The following TRAF7 variants were observed in gnomAD, a reference collection of about 807,000 sequenced individuals.
TRAF7 encodes E3 ubiquitin-protein ligase TRAF7.
Under a neutral mutation model 89.3 loss-of-function variants are expected in TRAF7, and 45 were observed. The observed-to-expected ratio is 0.50, with a 90% CI of 0.40 to 0.65. The LOEUF is 0.65. Among genes scored for constraint, TRAF7 ranks in the 30% least tolerant of loss-of-function variants. TRAF7 has a pLI of 0.00. For missense variants in TRAF7, 677 were observed against 918.1 expected, an observed-to-expected ratio of 0.74 and a Z score of 3.39; for synonymous variants, 406 against 369.2, an observed-to-expected ratio of 1.10 and a Z score of -1.14.
intron 13 of TRAF7, 96 bp downstream of exon 13, chr16:2,174,144 G>T (rs1275400537): frequency 1.3e-6 from 2 of 1,598,968 alleles, no homozygotes; most frequent in African/African-American, 2.7e-5. Flanking sequence ...GGACCTTCTG[G>T]GCAGGGCCCT....
chr16:2,174,100 C>T (rs2093125405), intron 13 of TRAF7, 52 bp downstream of exon 13: 1 of 1,607,808 alleles, frequency 6.2e-7, no homozygotes, highest in Non-Finnish European at 8.5e-7. Context: ...TGGGCACTGC[C>T]ACATGCCTGG....
rs1380586683 is a variant in TRAF7, at chr16:2,162,914, C to T, written c.-38-969C>T. Among the ~76,000 whole-genome samples, 1 of 152,152 alleles carries T rather than the reference C, an allele frequency of 6.6e-6. No individual in the cohort carries two copies. The highest frequency in any genetic ancestry group is 1.5e-5 in the Non-Finnish European group (1 of 68,022). Reference sequence around the variant, plus strand: ...TCCTGGCTTCCAGGCTGCCCAAGTCCTGAAAGTGGGACCTGCTCGGGAGGA... The same window carrying T: ...TCCTGGCTTCCAGGCTGCCCAAGTCTTGAAAGTGGGACCTGCTCGGGAGGA... On this transcript the variant is annotated intron_variant, in intron 1 of 20. Transcript: ENST00000326181. The surrounding 1 kb of genome is among the most constrained non-coding windows in gnomAD (Gnocchi z 5.0).
At position 2,175,947 on chromosome 16, in the gene TRAF7, C is replaced by T. The variant is rs2093133796; in HGVS notation, c.1740C>T (p.Leu580=). ...HHIVCGTYEN[L]IHVWDIESKE... is the part of the protein sequence containing the mutation. ...TTGTCTGTGGCACCTACGAGAACCT[C>T]ATCCACGTAAGGCCTGGGCATCTGG... The change falls in exon 18 of 21, where the codon CTC becomes CTT. Residue 580 remains leucine, a synonymous_variant. Transcript: ENST00000326181. 2 of 1,613,200 alleles carry T rather than the reference C, an allele frequency of 1.2e-6. No individual in the cohort carries two copies. The highest frequency in any genetic ancestry group is 1.7e-5 in the Admixed American group (1 of 60,002).
chr16:2,171,456 G>A, intron 6 of TRAF7, 100 bp downstream of exon 6: 1 of 1,556,648 alleles, frequency 6.4e-7, no homozygotes, highest in African/African-American at 1.4e-5. Flanking sequence ...CCTTGGTCAA[G>A]GCCTGTCCTG....
At position 2,158,177 on chromosome 16, in the gene TRAF7, G is replaced by A. The variant is rs2093043496; in HGVS notation, c.-39+2319G>A. Among the ~76,000 whole-genome samples, 1 of 152,218 alleles carries A rather than the reference G, an allele frequency of 6.6e-6. No individual in the cohort carries two copies. The highest frequency in any genetic ancestry group is 2.1e-4 in the South Asian group (1 of 4,828). ...GAGGGCCGAGAGCTGTTGGCTGCGT[G>A]TGTCTCAGTCCGGCCTTCTCAGTGG... On this transcript the variant is annotated intron_variant, in intron 1 of 20. Transcript: ENST00000326181. This position sits in a 1 kb window ranked among gnomAD's most constrained non-coding sequence, Gnocchi z 4.7.
rs1419349453 is a variant in TRAF7 at position 2,172,370 on chromosome 16, C to T, written c.655C>T (p.Arg219Trp). ...GCPFTIKLSA[R>W]KDHEGSCDYR... The stretch of plus-strand genomic sequence containing the variant: ...CCCCTTCACCATCAAGCTCAGCGCC[C>T]GGAAGTAAGTGCCCCTCCCTGGGCA... The change falls in exon 8 of 21, where the codon CGG (arginine) becomes TGG (tryptophan). Residue 219 changes from arginine to tryptophan, a missense_variant. Coordinates refer to ENST00000326181, the MANE Select transcript of TRAF7 (RefSeq NM_032271.3). 27 of 1,611,622 alleles carry T rather than the reference C, an allele frequency of 1.7e-5. No homozygotes were observed. The highest frequency in any genetic ancestry group is 2.1e-5 in the Non-Finnish European group (25 of 1,179,486).
chr16:2,160,004 A>C (rs1237525750), intron 1 of TRAF7, among the ~76,000 whole-genome samples: 1 of 152,186 alleles, frequency 6.6e-6, no homozygotes, highest in East Asian at 1.9e-4. Context: ...ATGCCCCAGC[A>C]GAGCCCTCTA....
chr16:2,172,637 GCA>G, intron 9 of TRAF7, 38 bp downstream of exon 9: 1 of 1,528,250 alleles, frequency 6.5e-7, no homozygotes, highest in Non-Finnish European at 8.8e-7. Context: ...CGGGGTGGGC[GCA>G]GGCCCTCCAC....
rs1429282391 is a variant in TRAF7 at position 2,171,385 on chromosome 16, T to A, written c.441+29T>A. On this transcript the variant is annotated intron_variant, in intron 6 of 20. Transcript: ENST00000326181. ...AGCCCGCCGCCCTTCCCAGCCCCCC[T>A]GCTGCCAGAGGCCCCCACAGGACCC... 2.6e-6 allele frequency: 4 copies of A among 1,543,006 alleles called. No individual in the cohort carries two copies. In the East Asian group the frequency reaches 9.8e-5, roughly 38 times the overall value.
rs906373054 is a variant in TRAF7, at chr16:2,162,996, C to T, written c.-38-887C>T. On this transcript the variant is annotated intron_variant, in intron 1 of 20. Transcript: ENST00000326181. The surrounding 1 kb of genome is among the most constrained non-coding windows in gnomAD (Gnocchi z 5.0). ...CGGGGGGAGAGTGGGCGTCATCCAGCATGGACAGCCCCTTCCCCGGGCTCT... is the reference window on the plus strand; with the variant it reads ...CGGGGGGAGAGTGGGCGTCATCCAGTATGGACAGCCCCTTCCCCGGGCTCT... Among the ~76,000 whole-genome samples, 2 of 152,178 alleles carry T rather than the reference C, an allele frequency of 1.3e-5. No homozygotes were observed. Among genetic ancestry groups the T allele is most frequent in the Non-Finnish European group, 2.9e-5 (2 of 68,014 alleles).
chr16:2,175,201 A>G, intron 15 of TRAF7, 51 bp downstream of exon 15: 1 of 1,612,842 alleles, frequency 6.2e-7, no homozygotes. Flanking sequence ...GGCCCGCCCC[A>G]GTCTGTAGGT....
Position 2,161,430 on chromosome 16 carries a change from G to A in TRAF7, c.-38-2453G>A, listed in dbSNP as rs1414698140. On this transcript the variant is annotated intron_variant, in intron 1 of 20. Transcript: ENST00000326181. The surrounding 1 kb of genome is among the most constrained non-coding windows in gnomAD (Gnocchi z 5.2). ...TTCAGAGTGAGGGGGAAGCCAGACA[G>A]TTGCTCTCCCAGACTGTGAGCAACA... is the stretch of plus-strand genomic sequence containing the variant. Among the ~76,000 whole-genome samples, 1 of 152,130 alleles carries A rather than the reference G, an allele frequency of 6.6e-6. No individual in the cohort carries two copies. The highest frequency in any genetic ancestry group is 1.5e-5 in the Non-Finnish European group (1 of 68,024).
chr16:2,177,421 A>G lies in TRAF7; in HGVS notation c.*847A>G. 1 of 232,576 alleles carries G rather than the reference A, an allele frequency of 4.3e-6. No homozygotes were observed. The highest frequency in any genetic ancestry group is 6.1e-5 in the East Asian group (1 of 16,454). The allele number at this position is 232,576 out of a possible 1,614,324, so 14.4% of individuals were successfully genotyped here. A position where few individuals can be genotyped will look rare whatever the true frequency, so the allele number is the denominator to read the frequency against. ...CAATCGCTGGTTTTCGGCATTTTTT[A>G]AATTTTTTTTTTAAGAAACGTCAAA... is the stretch of plus-strand genomic sequence containing the variant. On this transcript the variant is annotated 3_prime_UTR_variant, in exon 21 of 21. Coordinates refer to ENST00000326181, the MANE Select transcript of TRAF7 (RefSeq NM_032271.3).
rs1418613734 is a variant in TRAF7, at chr16:2,163,124, G to T, written c.-38-759G>T. On this transcript the variant is annotated intron_variant, in intron 1 of 20. Transcript: ENST00000326181. This position sits in a 1 kb window ranked among gnomAD's most constrained non-coding sequence, Gnocchi z 4.3. ...GCCAGCACTCCCAGCACCCACGGAGGGGCCACGTCTCCCCCAGGCCCACCA... is the reference window on the plus strand; with the variant it reads ...GCCAGCACTCCCAGCACCCACGGAGTGGCCACGTCTCCCCCAGGCCCACCA... 1.3e-5 allele frequency among the ~76,000 whole-genome samples: 2 copies of T among 152,122 alleles called. No individual in the cohort carries two copies. Among genetic ancestry groups the T allele is most frequent in the African/African-American group, 4.8e-5 (2 of 41,410 alleles).
At chr16:2,173,859 T>TTCCCCCCCCCCCCCCCCCCCCCCCCC in intron 12 of TRAF7, 23 bp downstream of exon 12, 2 of 1,246,254 alleles carry the variant, frequency 1.6e-6, no homozygotes, top group Admixed American at 2.0e-5. Flanking sequence ...CCGCCGTGGC[T>TTCCCCCCCCCCCCCCCCCCCCCCCCC]CCCGCCCACC....
chr16:2,163,683 G>T lies in TRAF7; in HGVS notation c.-38-200G>T, dbSNP rs981475370. ...GACGGTGACGCAGAGCCGCCTGCCT[G>T]CCCGGGCCTCTGCATACCTGGGATC... is the stretch of plus-strand genomic sequence containing the variant. On this transcript the variant is annotated intron_variant, in intron 1 of 20. Transcript: ENST00000326181. The surrounding 1 kb of genome is among the most constrained non-coding windows in gnomAD (Gnocchi z 4.3). 5 of 569,244 alleles carry T rather than the reference G, an allele frequency of 8.8e-6. No homozygotes were observed. The highest frequency in any genetic ancestry group is 1.6e-5 in the Non-Finnish European group (5 of 317,280). 35.3% of individuals were successfully genotyped at this position (569,244 alleles called of 1,614,324 possible).
chr16:2,164,132 G>A (rs1596670081), intron 2 of TRAF7, 131 bp downstream of exon 2: 10 of 734,576 alleles, frequency 1.4e-5, no homozygotes, highest in Non-Finnish European at 2.0e-5. Context: ...TCGGTGGGGG[G>A]GGGTGTGGTG....
chr16:2,175,127 G>A lies in TRAF7; in HGVS notation c.1363G>A (p.Gly455Ser). 2 of 1,613,832 alleles carry A rather than the reference G, an allele frequency of 1.2e-6. No homozygotes were observed. The highest frequency in any genetic ancestry group is 1.7e-6 in the Non-Finnish European group (2 of 1,179,964). The change falls in exon 15 of 21, where the codon GGC (glycine) becomes AGC (serine). Residue 455 changes from glycine (G) to serine (S), a missense_variant. Around this residue, in one of 6 missense-constraint regions of TRAF7, gnomAD observed 160 missense variants for 263.7 expected, o/e 0.61. Transcript: ENST00000326181. ...CTTCCCCAGGTGCAAACTCTACAGC[G>A]GCTCTGCAGACTGCACCATCATTGT... ...LCIQGCKLYS[G>S]SADCTIIVWD...
intron 14 of TRAF7, 68 bp from the exon 15 acceptor site, chr16:2,175,043 C>CTGGA: frequency 6.2e-7 from 1 of 1,603,666 alleles, no homozygotes; most frequent in South Asian, 1.1e-5. Context: ...GGACCTCGGG[C>CTGGA]CCTGCCAGGG....
Sources: gnomAD v4.1 joint callset for allele counts (sites outside exome capture counted in the v4.1 genomes callset) on GRCh38, gnomAD v4.1.1 for gene constraint, gnomAD v4.1.1 regional missense constraint, Gnocchi (gnomAD v3.1) non-coding constraint, MANE v1.5 for transcripts, NCBI Gene and HGNC (gene_info 2026-07-23, HGNC 2026-07-21) for gene names.